The following HIPK1 variants were observed in gnomAD, a reference collection of about 807,000 sequenced individuals.
HIPK1 encodes homeodomain-interacting protein kinase 1.
In HIPK1, 28 loss-of-function variants were observed where a neutral mutation model predicts 117.1. The observed-to-expected ratio is 0.24, with a 90% CI of 0.18 to 0.33. The LOEUF (loss-of-function observed/expected upper bound fraction) is 0.33. Ranked by LOEUF, HIPK1 falls within the 10% of genes least tolerant of loss-of-function variation. HIPK1 has a pLI of 1.00. For missense variants in HIPK1, 1,122 were observed against 1,475.1 expected (o/e 0.76, Z 3.92); for synonymous variants, 605 against 562.5 (o/e 1.08, Z -1.07).
At chr1:113,959,469 G>A (rs1298925995) in intron 8 of HIPK1, among the ~76,000 whole-genome samples, 3 of 152,176 alleles carry the variant, frequency 2.0e-5, no homozygotes, top group Non-Finnish European at 4.4e-5. Flanking sequence ...AGTTGGGATT[G>A]TCGTATGTTG....
At chr1:113,972,930 C>T in intron 15 of HIPK1, 94 bp from the exon 16 acceptor site, 1 of 1,380,242 alleles carries the variant, frequency 7.2e-7, no homozygotes, top group South Asian at 1.6e-5. Context: ...CATTCGAAAA[C>T]AGTACAAGTC....
rs759327410 is a variant in HIPK1, at chr1:113,941,427, G to A, written c.1044G>A (p.Val348=). The A allele has an allele frequency of 6.2e-7, 1 of 1,613,974 alleles. No homozygotes were observed. Among genetic ancestry groups the A allele is most frequent in the Non-Finnish European group, 8.5e-7 (1 of 1,179,904 alleles). The change falls in exon 2 of 16, where the codon GTG becomes GTA. Residue 348 remains valine (V), a synonymous_variant. Coordinates refer to ENST00000426820, the MANE Select transcript of HIPK1 (RefSeq NM_198268.3). This position sits in a 1 kb window ranked among gnomAD's most constrained non-coding sequence, Gnocchi z 4.9. Reference sequence around the variant, plus strand: ...CTGCTAGTCACGTTTCCAAAGCTGTGTGCTCAACCTACTTACAGTCACGTT... The same window carrying A: ...CTGCTAGTCACGTTTCCAAAGCTGTATGCTCAACCTACTTACAGTCACGTT... The part of the protein sequence containing the change: ...FGSASHVSKA[V]CSTYLQSRYY...
chr1:113,956,601 G>A (rs1038405151), intron 5 of HIPK1, 26 bp from the exon 6 acceptor site: 1 of 1,584,234 alleles, frequency 6.3e-7, no homozygotes, highest in Non-Finnish European at 8.6e-7. Context: ...AAGTGAAGAA[G>A]TATAATTCTG....
At chr1:113,938,365 A>T (rs1243000022) in intron 1 of HIPK1, among the ~76,000 whole-genome samples, 1 of 151,082 alleles carries the variant, frequency 6.6e-6, no homozygotes, top group Non-Finnish European at 1.5e-5. Context: ...TGGGCCTCCC[A>T]AAGTGCGGGA....
chr1:113,962,402 T>G lies in HIPK1; in HGVS notation c.2067T>G (p.Ala689=). Residue 689 remains alanine, a synonymous_variant, in exon 9 of 16, where the codon GCT becomes GCG. Coordinates refer to ENST00000426820, the MANE Select transcript of HIPK1 (RefSeq NM_198268.3). ...CGATTGTACCCCAGGCACCAGCTGC[T>G]CAGCCACTACAGATTCAGTCAGGAG... ...AVPIVPQAPA[A]QPLQIQSGVL... 1.2e-6 allele frequency: 2 copies of G among 1,613,650 alleles called. No homozygotes were observed. Among genetic ancestry groups the G allele is most frequent in the Admixed American group, 1.7e-5 (1 of 60,026 alleles).
At chr1:113,972,695 A>T (rs1462277056) in intron 15 of HIPK1, among the ~76,000 whole-genome samples, 1 of 152,188 alleles carries the variant, frequency 6.6e-6, no homozygotes, top group East Asian at 1.9e-4. Flanking sequence ...GGCTAGGAAA[A>T]ATTCAAATTT....
intron 2 of HIPK1, among the ~76,000 whole-genome samples, chr1:113,948,871 T>C (rs1189683299): frequency 6.6e-6 from 1 of 152,166 alleles, no homozygotes; most frequent in Non-Finnish European, 1.5e-5. Context: ...GGAGTTTCGC[T>C]CTTACGCCCA....
In HIPK1 at chr1:113,940,647, C is replaced by T. The variant is rs375082482; in HGVS notation, c.264C>T (p.Ala88=). 1.3e-5 allele frequency: 21 copies of T among 1,614,088 alleles called. No individual in the cohort carries two copies. The East Asian group carries it at 1.8e-4, about 14-fold the overall frequency. ...CAGTGGAGCATATTGTTGTAACAGC[C>T]GCTGATAGCTCGGGCAGTGCTGCTA... ...APAVEHIVVT[A]ADSSGSAATS... is the part of the protein sequence containing the mutation. The change falls in exon 2 of 16, where the codon GCC becomes GCT. Residue 88 remains alanine, a synonymous_variant. Transcript: ENST00000426820.
chr1:113,952,626 G>T, intron 2 of HIPK1, 140 bp from the exon 3 acceptor site: 1 of 547,052 alleles, frequency 1.8e-6, no homozygotes, highest in Non-Finnish European at 2.8e-6. Context: ...TCAGATGATG[G>T]ATTGTATACC....
Position 113,961,863 on chromosome 1 carries a change from G to C in HIPK1, c.1982-454G>C, listed in dbSNP as rs370722356. ...GGAGGCTGTGGCAGAAGAATCGCTTGAACTTGGGAGCAGAGTTTGCAGTGA... is the reference window on the plus strand; with the variant it reads ...GGAGGCTGTGGCAGAAGAATCGCTTCAACTTGGGAGCAGAGTTTGCAGTGA... On this transcript the variant is annotated intron_variant, in intron 8 of 15. Coordinates refer to ENST00000426820, the MANE Select transcript of HIPK1 (RefSeq NM_198268.3). 7.9e-4 allele frequency among the ~76,000 whole-genome samples: 108 copies of C among 137,554 alleles called. 1 individual carries two copies. Among genetic ancestry groups the C allele is most frequent in the Middle Eastern group, 4.1e-3 (1 of 246 alleles). 90.2% of individuals were successfully genotyped at this position (137,554 alleles called of 152,430 possible).
chr1:113,973,444 C>T lies in HIPK1; in HGVS notation c.3565C>T (p.Arg1189Ter), dbSNP rs758110661. ...CACCCAATCCTACATTGGGTCTTCC[C>T]GAGGCTCAACAATTTACACTGGATA... ...FATQSYIGSSRGSTIYTGYPL... is the reference protein window; with the variant it reads ...FATQSYIGSS The change falls in exon 16 of 16, where the codon CGA (arginine) becomes TGA (stop). Residue 1189 changes from arginine (R) to a stop codon, truncating the protein, a stop_gained. Transcript: ENST00000426820. LOFTEE classifies it high-confidence loss of function. 1.4e-5 allele frequency: 22 copies of T among 1,613,662 alleles called. No homozygotes were observed. The highest frequency in any genetic ancestry group is 4.0e-5 in the African/African-American group (3 of 74,896).
Position 113,958,074 on chromosome 1 carries a change from T to C in HIPK1, c.1764T>C (p.Val588=), listed in dbSNP as rs768677299. 1.2e-6 allele frequency: 2 copies of C among 1,613,352 alleles called. No homozygotes were observed. Among genetic ancestry groups the C allele is most frequent in the South Asian group, 2.2e-5 (2 of 91,058 alleles). ...QLNTVHNQAS[V]LASSSTAAAA... ...AATCCTTTTGTTTTTAGGCCAGTGT[T>C]CTAGCTTCCAGTTCTACTGCAGCAG... The change falls in exon 8 of 16, where the codon GTT becomes GTC. Residue 588 remains valine (V), a synonymous_variant. Coordinates refer to ENST00000426820, the MANE Select transcript of HIPK1 (RefSeq NM_198268.3).
chr1:113,966,022 C>T, intron 10 of HIPK1, 108 bp from the exon 11 acceptor site: 5 of 1,108,134 alleles, frequency 4.5e-6, no homozygotes, highest in Non-Finnish European at 6.4e-6. Context: ...AGTTAACAAT[C>T]TACAAGCAAC....
chr1:113,971,739 A>G (rs761863736), intron 14 of HIPK1, 85 bp from the exon 15 acceptor site: 14 of 1,317,888 alleles, frequency 1.1e-5, no homozygotes, highest in Non-Finnish European at 1.5e-5. Flanking sequence ...CAAACTACAT[A>G]CAGATGTGGA....
At chr1:113,956,114 G>T (rs1482589297) in intron 5 of HIPK1, among the ~76,000 whole-genome samples, 3 of 109,548 alleles carry the variant, frequency 2.7e-5, no homozygotes, top group African/African-American at 3.6e-5. Flanking sequence ...TCACTCTATT[G>T]CCCAGGCTGG....
chr1:113,953,627 C>A (rs1248185866), intron 3 of HIPK1, among the ~76,000 whole-genome samples: 1 of 151,870 alleles, frequency 6.6e-6, no homozygotes, highest in Non-Finnish European at 1.5e-5. Flanking sequence ...AAGCGATTCT[C>A]CTGCCTCAGC....
intron 1 of HIPK1, among the ~76,000 whole-genome samples, chr1:113,936,266 A>G (rs1207992277): frequency 6.6e-6 from 1 of 152,200 alleles, no homozygotes; most frequent in Non-Finnish European, 1.5e-5. Flanking sequence ...CCCTTGGGTG[A>G]ACTAAATTTG....
At chr1:113,958,367 C>G (rs1448626457) in intron 8 of HIPK1, 76 bp downstream of exon 8, 1 of 974,938 alleles carries the variant, frequency 1.0e-6, no homozygotes, top group Non-Finnish European at 1.5e-6. Flanking sequence ...TTGTTTAGTT[C>G]TGATCTTTAC....
chr1:113,951,005 A>C (rs1186140280), intron 2 of HIPK1: 1 of 157,868 alleles, frequency 6.3e-6, no homozygotes, highest in African/African-American at 2.4e-5. Flanking sequence ...ATTTGTAAGA[A>C]TCTTCTTAAT....
Sources: allele counts gnomAD v4.1 joint callset (sites outside exome capture counted in the v4.1 genomes callset), GRCh38; gene constraint gnomAD v4.1.1; non-coding constraint Gnocchi (gnomAD v3.1); transcripts MANE v1.5; gene names NCBI Gene and HGNC (gene_info 2026-07-23, HGNC 2026-07-21).